DCC: variants seen among roughly 807,000 people sequenced by gnomAD.
The protein encoded by DCC is DCC netrin 1 receptor, also known as netrin receptor DCC.
DCC carries 58 observed loss-of-function variants against 172.5 expected under a neutral mutation model. The observed-to-expected ratio is 0.34, with a 90% CI of 0.27 to 0.42. The LOEUF is 0.42. Among genes scored for constraint, DCC ranks in the 10% least tolerant of loss-of-function variants. DCC has a pLI of 1.00. For missense variants in DCC, 1,740 were observed against 1,791.0 expected (o/e 0.97, Z 0.51); for synonymous variants, 709 against 644.5 (o/e 1.10, Z -1.52).
chr18:53,080,056 G>A (rs1317962140), intron 7 of DCC, among the ~76,000 whole-genome samples: 1 of 152,082 alleles, frequency 6.6e-6, no homozygotes, highest in Non-Finnish European at 1.5e-5. Context: ...GTTGGCAGTG[G>A]TAGAAAGAGG....
chr18:52,403,663 G>T (rs932446300), intron 1 of DCC, among the ~76,000 whole-genome samples: 1 of 151,992 alleles, frequency 6.6e-6, no homozygotes, highest in African/African-American at 2.4e-5. Flanking sequence ...TCAGGAAAGA[G>T]CAACTAAGGA....
chr18:52,910,536 A>G (rs1226906636), intron 3 of DCC, among the ~76,000 whole-genome samples: 1 of 152,122 alleles, frequency 6.6e-6, no homozygotes. Flanking sequence ...AAGAGTTGAG[A>G]TGTTTTACAA....
At chr18:53,290,385 A>G (rs2056987363) in intron 12 of DCC, among the ~76,000 whole-genome samples, 1 of 152,224 alleles carries the variant, frequency 6.6e-6, no homozygotes, top group Non-Finnish European at 1.5e-5. Context: ...TTTCTCCAAA[A>G]CAATTAAAAT....
At chr18:53,400,291 A>G (rs920675808) in intron 18 of DCC, among the ~76,000 whole-genome samples, 2 of 152,074 alleles carry the variant, frequency 1.3e-5, no homozygotes, top group African/African-American at 4.8e-5. Context: ...CTCATGTGCA[A>G]AAATACCCAA....
At chr18:52,883,648 ATTGTAC>A (rs1259760598) in intron 2 of DCC, among the ~76,000 whole-genome samples, 1 of 151,814 alleles carries the variant, frequency 6.6e-6, no homozygotes, top group Non-Finnish European at 1.5e-5. Flanking sequence ...TCTGTGACTT[ATTGTAC>A]TTATTGTACT....
intron 1 of DCC, among the ~76,000 whole-genome samples, chr18:52,447,199 C>G (rs963073600): frequency 6.6e-6 from 1 of 152,074 alleles, no homozygotes; most frequent in South Asian, 2.1e-4. Context: ...AAAGATAACC[C>G]CCCGTCTTAG....
At chr18:52,669,935 C>T (rs1308060204) in intron 1 of DCC, among the ~76,000 whole-genome samples, 1 of 151,486 alleles carries the variant, frequency 6.6e-6, no homozygotes, top group African/African-American at 2.4e-5. Flanking sequence ...CTGGTGGTCA[C>T]AGACTGTCTC....
At chr18:53,107,626 A>G (rs1416185835) in intron 7 of DCC, among the ~76,000 whole-genome samples, 2 of 151,574 alleles carry the variant, frequency 1.3e-5, no homozygotes, top group African/African-American at 2.4e-5. Flanking sequence ...CAGAACTTAG[A>G]AAGAGTCTCC....
intron 1 of DCC, among the ~76,000 whole-genome samples, chr18:52,628,931 G>A (rs927284880): frequency 2.6e-5 from 4 of 152,160 alleles, no homozygotes; most frequent in Admixed American, 6.5e-5. Flanking sequence ...ATGACACACC[G>A]GCAATCTTTG....
chr18:52,652,650 T>C (rs889560246), intron 1 of DCC, among the ~76,000 whole-genome samples: 1 of 151,662 alleles, frequency 6.6e-6, no homozygotes. Flanking sequence ...TGTTCCTCTT[T>C]TATGTGCTCC....
intron 27 of DCC, among the ~76,000 whole-genome samples, chr18:53,523,150 C>G (rs2046418916): frequency 6.6e-6 from 1 of 151,892 alleles, no homozygotes; most frequent in South Asian, 2.1e-4. Context: ...ATGCAGCCAA[C>G]AAACATGAAA....
At chr18:53,038,295 A>G (rs979440333) in intron 5 of DCC, among the ~76,000 whole-genome samples, 2 of 151,990 alleles carry the variant, frequency 1.3e-5, no homozygotes, top group Non-Finnish European at 1.5e-5. Flanking sequence ...AATAATTACT[A>G]TTGTGTTAGA....
chr18:52,629,188 T>A (rs2034629865), intron 1 of DCC, among the ~76,000 whole-genome samples: 2 of 152,220 alleles, frequency 1.3e-5, no homozygotes, highest in Non-Finnish European at 2.9e-5. Context: ...CATTTGCCCA[T>A]CCGTATGTTA....
intron 2 of DCC, among the ~76,000 whole-genome samples, chr18:52,903,398 C>T (rs1170586488): frequency 2.6e-5 from 4 of 151,892 alleles, no homozygotes; most frequent in South Asian, 4.1e-4. Flanking sequence ...GTAGCGACAG[C>T]GTTTCATCAT....
intron 17 of DCC, among the ~76,000 whole-genome samples, chr18:53,395,877 G>A (rs368408368): frequency 6.6e-6 from 1 of 152,018 alleles, no homozygotes; most frequent in East Asian, 1.9e-4. Context: ...TCCTGACCTC[G>A]AGTGATCCAT....
At chr18:52,345,821 A>T (rs908458711) in intron 1 of DCC, among the ~76,000 whole-genome samples, 2 of 152,188 alleles carry the variant, frequency 1.3e-5, no homozygotes, top group Non-Finnish European at 2.9e-5. Flanking sequence ...AAGCAGCTAA[A>T]TAGTGTTGTT....
intron 5 of DCC, among the ~76,000 whole-genome samples, chr18:53,056,000 T>C (rs1367483771): frequency 6.6e-6 from 1 of 152,122 alleles, no homozygotes; most frequent in Non-Finnish European, 1.5e-5. Context: ...AGAATGAGAA[T>C]TTTGTTAAGG....
At chr18:52,364,344 G>C (rs907932092) in intron 1 of DCC, among the ~76,000 whole-genome samples, 1 of 151,064 alleles carries the variant, frequency 6.6e-6, no homozygotes, top group African/African-American at 2.4e-5. Flanking sequence ...AGGTATATAA[G>C]AAAATATAAA....
chr18:52,892,255 C>T (rs575091930), intron 2 of DCC, among the ~76,000 whole-genome samples: 1 of 152,202 alleles, frequency 6.6e-6, no homozygotes, highest in Admixed American at 6.6e-5. Context: ...ATAAAAACTG[C>T]ATAAGTACCC....
Sources: gnomAD v4.1 joint callset for allele counts (sites outside exome capture counted in the v4.1 genomes callset) on GRCh38, gnomAD v4.1.1 for gene constraint, MANE v1.5 for transcripts, NCBI Gene and HGNC (gene_info 2026-07-23, HGNC 2026-07-21) for gene names.